MITF: variants seen among roughly 807,000 people sequenced by gnomAD.
The protein encoded by MITF is melanocyte inducing transcription factor.
MITF carries 17 observed loss-of-function variants against 60.5 expected under a neutral mutation model. The ratio of observed to expected loss-of-function variants is 0.28; its 90% CI spans 0.19 to 0.42. MITF has a LOEUF of 0.42. Ranked by LOEUF, MITF falls within the 10% of genes least tolerant of loss-of-function variation. The pLI is 1.00. For missense variants in MITF, 622 were observed against 683.5 expected (o/e 0.91, Z 1.00); for synonymous variants, 260 against 248.5 (o/e 1.05, Z -0.43).
intron 1 of MITF, among the ~76,000 whole-genome samples, chr3:69,768,272 A>G (rs1252047812): frequency 6.6e-6 from 1 of 152,202 alleles, no homozygotes; most frequent in Non-Finnish European, 1.5e-5. Flanking sequence ...AAGTTAGATA[A>G]GAAGATAAAC....
chr3:69,967,782 T>A lies in MITF; in HGVS notation c.*2534T>A. ...GGCTAGCTAAGCCAAGAGGCAGTGG[T>A]TTGGGCTTGTTGTTTGTAACAAGAA... On this transcript the variant is annotated 3_prime_UTR_variant, in exon 10 of 10. Transcript: ENST00000352241. The A allele has an allele frequency of 4.3e-6, 1 of 233,012 alleles. No individual in the cohort carries two copies. Among genetic ancestry groups the A allele is most frequent in the Non-Finnish European group, 8.5e-6 (1 of 117,902 alleles). The allele number at this position is 233,012 out of a possible 1,614,324, so 14.4% of individuals were successfully genotyped here.
chr3:69,821,094 AAACAGG>A (rs2063263290), intron 1 of MITF, among the ~76,000 whole-genome samples: 1 of 152,212 alleles, frequency 6.6e-6, no homozygotes, highest in Non-Finnish European at 1.5e-5. Flanking sequence ...GGTGAGTCAA[AAACAGG>A]AACCCTTTGA....
intron 2 of MITF, among the ~76,000 whole-genome samples, chr3:69,894,117 A>G (rs948591315): frequency 6.6e-6 from 1 of 152,230 alleles, no homozygotes; most frequent in Admixed American, 6.5e-5. Flanking sequence ...GTGACCATAT[A>G]TGATTTTATT....
intron 1 of MITF, among the ~76,000 whole-genome samples, chr3:69,755,697 A>G (rs1434170176): frequency 4.6e-5 from 7 of 152,060 alleles, no homozygotes; most frequent in African/African-American, 1.7e-4. Context: ...GATTTCGATT[A>G]TATTACACAT....
chr3:69,845,878 G>C (rs2063723657), intron 1 of MITF, among the ~76,000 whole-genome samples: 1 of 152,200 alleles, frequency 6.6e-6, no homozygotes, highest in African/African-American at 2.4e-5. Flanking sequence ...CTCGGCAGGA[G>C]TGTCATGGCT....
intron 2 of MITF, among the ~76,000 whole-genome samples, chr3:69,888,144 C>G (rs959738253): frequency 6.6e-6 from 1 of 152,024 alleles, no homozygotes; most frequent in South Asian, 2.1e-4. Flanking sequence ...GTTGTAATCT[C>G]CCCTGTTGGG....
At chr3:69,907,865 G>T (rs1243082982) in intron 2 of MITF, among the ~76,000 whole-genome samples, 1 of 152,168 alleles carries the variant, frequency 6.6e-6, no homozygotes, top group East Asian at 1.9e-4. Flanking sequence ...ATCATATTCT[G>T]CTGGGCTCAA....
intron 1 of MITF, among the ~76,000 whole-genome samples, chr3:69,811,909 G>A (rs1229061057): frequency 6.6e-6 from 1 of 152,172 alleles, no homozygotes; most frequent in East Asian, 1.9e-4. Flanking sequence ...GGACAGGAGA[G>A]CTTTGTCCCT....
At chr3:69,870,238 A>G (rs1369745001) in intron 1 of MITF, among the ~76,000 whole-genome samples, 2 of 149,768 alleles carry the variant, frequency 1.3e-5, no homozygotes, top group Admixed American at 1.3e-4. Flanking sequence ...CCAACTGCAC[A>G]AATCAGAGTT....
intron 2 of MITF, among the ~76,000 whole-genome samples, chr3:69,924,169 T>A (rs2065533105): frequency 6.6e-6 from 1 of 152,322 alleles, no homozygotes; most frequent in Middle Eastern, 3.4e-3. Context: ...ATTAGATCAA[T>A]GAGAGCACTC....
In MITF at chr3:69,857,379, A is replaced by G. The variant is rs182607904; in HGVS notation, c.105-21755A>G. Among the ~76,000 whole-genome samples the G allele has an allele frequency of 2.9e-3, 435 of 152,214 alleles. 2 individuals carry two copies. The highest frequency in any genetic ancestry group is 5.2e-3 in the Non-Finnish European group (351 of 68,006). On this transcript the variant is annotated intron_variant, in intron 1 of 9. Coordinates refer to ENST00000352241, the MANE Select transcript of MITF (RefSeq NM_001354604.2). ...CCCCCCCAGTTTCTTTCTTTAAATA[A>G]AAAAGATTTGTTTAATAATAAACAT...
At chr3:69,917,276 G>T (rs927305263) in intron 2 of MITF, among the ~76,000 whole-genome samples, 2 of 151,888 alleles carry the variant, frequency 1.3e-5, no homozygotes, top group African/African-American at 4.8e-5. Flanking sequence ...TAGTATGCAT[G>T]GTTTGAGGAC....
At chr3:69,909,351 C>A (rs1402136049) in intron 2 of MITF, among the ~76,000 whole-genome samples, 1 of 152,150 alleles carries the variant, frequency 6.6e-6, no homozygotes, top group Non-Finnish European at 1.5e-5. Context: ...TCCTCCCAGT[C>A]TCAGGTAAGT....
Position 69,819,710 on chromosome 3 carries a change from C to G in MITF, c.105-59424C>G, listed in dbSNP as rs540516306. Among the ~76,000 whole-genome samples the G allele has an allele frequency of 2.4e-4, 36 of 152,196 alleles. 1 individual carries two copies. Among genetic ancestry groups the G allele is most frequent in the Middle Eastern group, 6.8e-3 (2 of 294 alleles). On this transcript the variant is annotated intron_variant, in intron 1 of 9. Transcript: ENST00000352241. ...TGGCTCATGCCTGTAACCTGTAATC[C>G]CAGCACTTTGGGAGGCTGAGGCAGG... is the stretch of plus-strand genomic sequence containing the variant.
intron 6 of MITF, among the ~76,000 whole-genome samples, chr3:69,951,576 GT>G (rs144606735): frequency 2.7e-5 from 4 of 150,292 alleles, no homozygotes; most frequent in South Asian, 2.1e-4. Context: ...TTTTACCAGG[GT>G]TTTTTTTTAC....
intron 1 of MITF, among the ~76,000 whole-genome samples, chr3:69,872,700 C>G (rs886639523): frequency 6.6e-6 from 1 of 151,822 alleles, no homozygotes; most frequent in East Asian, 1.9e-4. Flanking sequence ...TTCCTGGTAC[C>G]TGTTGAAGGT....
At chr3:69,800,026 AT>A (rs2062892305) in intron 1 of MITF, among the ~76,000 whole-genome samples, 1 of 152,166 alleles carries the variant, frequency 6.6e-6, no homozygotes, top group Admixed American at 6.5e-5. Flanking sequence ...TATATTCACT[AT>A]GTTGTGTAGC....
intron 1 of MITF, among the ~76,000 whole-genome samples, chr3:69,788,551 A>T (rs1034703127): frequency 1.3e-5 from 2 of 152,166 alleles, no homozygotes; most frequent in African/African-American, 4.8e-5. Context: ...GTGGTAGAAG[A>T]TTGAAAGAGA....
At chr3:69,763,101 A>G (rs1030883747) in intron 1 of MITF, among the ~76,000 whole-genome samples, 4 of 152,158 alleles carry the variant, frequency 2.6e-5, no homozygotes, top group African/African-American at 9.7e-5. Context: ...AAAATTTCTC[A>G]TCTGGGTATT....
Sources: gnomAD v4.1 joint callset for allele counts (sites outside exome capture counted in the v4.1 genomes callset) on GRCh38, gnomAD v4.1.1 for gene constraint, MANE v1.5 for transcripts, NCBI Gene and HGNC (gene_info 2026-07-23, HGNC 2026-07-21) for gene names.